KMT2A: variants seen among roughly 807,000 people sequenced by gnomAD.
KMT2A encodes the protein lysine methyltransferase 2A.
KMT2A carries 16 observed loss-of-function variants against 345.3 expected under a neutral mutation model. That is an observed-to-expected ratio of 0.05 (90% CI 0.03 to 0.07). The LOEUF (loss-of-function observed/expected upper bound fraction) is 0.07. KMT2A is among the 10% of genes least tolerant of loss of function. KMT2A has a pLI of 1.00. For synonymous variants in KMT2A, 1,599 were observed against 1,778.6 expected (o/e 0.90, Z 2.54); for missense variants, 3,272 against 4,841.6 (o/e 0.68, Z 9.62).
chr11:118,466,086 G>A lies in KMT2A; in HGVS notation c.433-2689G>A, dbSNP rs186392877. Among the ~76,000 whole-genome samples the A allele has an allele frequency of 1.7e-3, 254 of 152,058 alleles. 5 individuals carry two copies. The highest frequency in any genetic ancestry group is 1.2e-3 in the East Asian group (6 of 5,184). ...TAAAATTACTTTTAGATTTTTTTTA[G>A]ATTGGGAGGCCAGTATGGGAGGATC... On this transcript the variant is annotated intron_variant, in intron 1 of 35. Transcript: ENST00000534358.
At chr11:118,481,596 C>T in intron 6 of KMT2A, 119 bp from the exon 7 acceptor site, 2 of 1,088,122 alleles carry the variant, frequency 1.8e-6, no homozygotes, top group Non-Finnish European at 2.6e-6. Flanking sequence ...TACTGATTTC[C>T]TTTATTTTGG....
Position 118,482,054 on chromosome 11 carries a change from G to A in KMT2A, c.3974G>A (p.Ser1325Asn), listed in dbSNP as rs149404438. ...PRKEVPKTTP[S>N]EPKKKQPPPP... ...AAAGAAGTTCCCAAAACCACTCCTA[G>A]TGAGCCCAAGAAAAAGCAGCCTCCA... The change falls in exon 7 of 36, where the codon AGT becomes AAT. Residue 1325 changes from serine (S) to asparagine (N), a missense_variant. Ser to Asn is a conservative substitution (Grantham distance 46). Coordinates refer to ENST00000534358, the MANE Select transcript of KMT2A (RefSeq NM_001197104.2). 1.3e-3 allele frequency: 2,140 copies of A among 1,612,354 alleles called. No homozygotes were observed. Among genetic ancestry groups the A allele is most frequent in the Non-Finnish European group, 1.7e-3 (1,972 of 1,179,422 alleles).
chr11:118,521,170 TTCTCAAGTATATGTC>T lies in KMT2A; in HGVS notation c.11514-117_11514-103del. 8.5e-7 allele frequency: 1 copy of T among 1,171,594 alleles called. No homozygotes were observed. The highest frequency in any genetic ancestry group is 1.2e-6 in the Non-Finnish European group (1 of 825,562). 72.6% of individuals were successfully genotyped at this position (1,171,594 alleles called of 1,614,324 possible). A position where few individuals can be genotyped will look rare whatever the true frequency, so the allele number is the denominator to read the frequency against. ...AATCAAGTGGGTCCAAATTTTTATT[TTCTCAAGTATATGTC>T]CCTCCTGGGGAACTAACAGACCAGG... is the stretch of plus-strand genomic sequence containing the variant. On this transcript the variant is annotated intron_variant, in intron 34 of 35. Coordinates refer to ENST00000534358, the MANE Select transcript of KMT2A (RefSeq NM_001197104.2). This position sits in a 1 kb window ranked among gnomAD's most constrained non-coding sequence, Gnocchi z 5.3.
At chr11:118,513,977 TTGCTCATAA>T (rs1950749936) in intron 31 of KMT2A, among the ~76,000 whole-genome samples, 1 of 150,968 alleles carries the variant, frequency 6.6e-6, no homozygotes, top group African/African-American at 2.4e-5. Flanking sequence ...AAAAAAAGTC[TTGCTCATAA>T]TTTTTAAAAT....
chr11:118,436,623 C>A lies in KMT2A; in HGVS notation c.111C>A (p.Ala37=). 1 of 1,159,012 alleles carries A rather than the reference C, an allele frequency of 8.6e-7. No homozygotes were observed. Among genetic ancestry groups the A allele is most frequent in the Non-Finnish European group, 1.1e-6 (1 of 938,406 alleles). The allele number at this position is 1,159,012 out of a possible 1,614,324, so 71.8% of individuals were successfully genotyped here. A position where few individuals can be genotyped will look rare whatever the true frequency, so the allele number is the denominator to read the frequency against. ...LGGAPRQRVP[A]LLLPPGPPVG... is the part of the protein sequence containing the mutation. ...GCGCCCCGCGGCAACGCGTCCCGGC[C>A]CTGCTGCTTCCCCCCGGGCCCCCGG... The change falls in exon 1 of 36, where the codon GCC becomes GCA. Residue 37 remains alanine (A), a synonymous_variant. Transcript: ENST00000534358. This position sits in a 1 kb window ranked among gnomAD's most constrained non-coding sequence, Gnocchi z 6.9.
intron 28 of KMT2A, among the ~76,000 whole-genome samples, chr11:118,508,416 G>A (rs1555049210): frequency 6.6e-6 from 1 of 152,096 alleles, no homozygotes; most frequent in African/African-American, 2.4e-5. Context: ...CATTTGGATT[G>A]TTTCCAGAAT....
chr11:118,446,196 A>G (rs987956387), intron 1 of KMT2A, among the ~76,000 whole-genome samples: 57 of 151,962 alleles, frequency 3.8e-4, no homozygotes, highest in African/African-American at 1.3e-3. Context: ...TTAAAATACA[A>G]TAATTAGCTA....
At chr11:118,511,880 C>G (rs1391259406) in intron 30 of KMT2A, 71 bp from the exon 31 acceptor site, 1 of 1,150,596 alleles carries the variant, frequency 8.7e-7, no homozygotes, top group Non-Finnish European at 1.3e-6. Flanking sequence ...AGTGCTTGTG[C>G]ACATCATTGG....
intron 4 of KMT2A, among the ~76,000 whole-genome samples, chr11:118,477,484 A>G (rs1404929887): frequency 3.3e-5 from 4 of 122,488 alleles, no homozygotes; most frequent in African/African-American, 1.3e-4. Context: ...TTTCATCAAG[A>G]TGCAAGTTAT....
rs1591316885 is a variant in KMT2A, at chr11:118,525,201, T to C, written c.*3029T>C. 4.3e-6 allele frequency: 1 copy of C among 231,594 alleles called. No individual in the cohort carries two copies. Among genetic ancestry groups the C allele is most frequent in the East Asian group, 6.1e-5 (1 of 16,368 alleles). The allele number at this position is 231,594 out of a possible 1,614,324, so 14.3% of individuals were successfully genotyped here. On this transcript the variant is annotated 3_prime_UTR_variant, in exon 36 of 36. Coordinates refer to ENST00000534358, the MANE Select transcript of KMT2A (RefSeq NM_001197104.2). The stretch of plus-strand genomic sequence containing the variant: ...GTGCAGATTGAGGAATTGTGATGGG[T>C]CATTCCCAAGAATCCCCCAAGGGGC...
chr11:118,488,819 C>T (rs1479328799), intron 11 of KMT2A, 59 bp downstream of exon 11: 7 of 1,516,914 alleles, frequency 4.6e-6, no homozygotes, highest in Non-Finnish European at 6.3e-6. Context: ...TTCTGTATCC[C>T]TGGACTCAAC....
intron 1 of KMT2A, among the ~76,000 whole-genome samples, chr11:118,451,793 CTCAT>C (rs1408005645): frequency 6.6e-6 from 1 of 151,882 alleles, no homozygotes; most frequent in Non-Finnish European, 1.5e-5. Flanking sequence ...TGCCCAGCCT[CTCAT>C]TCTTTTTAAT....
In KMT2A at chr11:118,436,709, C is replaced by T. The variant is rs781850395; in HGVS notation, c.197C>T (p.Ala66Val). 3 of 1,363,806 alleles carry T rather than the reference C, an allele frequency of 2.2e-6. No individual in the cohort carries two copies. Among genetic ancestry groups the T allele is most frequent in the Non-Finnish European group, 2.8e-6 (3 of 1,054,800 alleles). 84.5% of individuals were successfully genotyped at this position (1,363,806 alleles called of 1,614,324 possible). Reference sequence around the variant, plus strand: ...CCGGCTGTGGCGGCCGCGGCGGCGGCGGCGGGAAGCAGCGGGGCTGGGGTT... The same window carrying T: ...CCGGCTGTGGCGGCCGCGGCGGCGGTGGCGGGAAGCAGCGGGGCTGGGGTT... Reference protein sequence around the residue: ...SPPAVAAAAAAAGSSGAGVPG... With the variant: ...SPPAVAAAAAVAGSSGAGVPG... The change falls in exon 1 of 36, where the codon GCG (alanine) becomes GTG (valine). Residue 66 changes from alanine (A) to valine (V), a missense_variant. By Grantham distance (64) the Ala-to-Val change is moderately conservative. Transcript: ENST00000534358. The surrounding 1 kb of genome is among the most constrained non-coding windows in gnomAD (Gnocchi z 6.9).
rs1950069824 is a variant in KMT2A, at chr11:118,478,059, G to A, written c.3427G>A (p.Glu1143Lys). ...TGTCACTAGAAACAAGGCACCCCAG[G>A]AACCTCCAGTAAAGAAAGGACGTCG... ...KPVTRNKAPQ[E>K]PPVKKGRRSR... is the part of the protein sequence containing the mutation. Residue 1143 changes from glutamate (E) to lysine (K), a missense_variant, in exon 5 of 36, where the codon GAA (glutamate) becomes AAA (lysine). By Grantham distance (56) the Glu-to-Lys change is moderately conservative. Coordinates refer to ENST00000534358, the MANE Select transcript of KMT2A (RefSeq NM_001197104.2). The A allele has an allele frequency of 6.2e-7, 1 of 1,613,964 alleles. No individual in the cohort carries two copies. The highest frequency in any genetic ancestry group is 1.1e-5 in the South Asian group (1 of 91,064).
rs781959189 is a variant in KMT2A at position 118,473,043 on chromosome 11, G to A, written c.1884G>A (p.Glu628=). ...RWTSLKHSRS[E]PQYFSSAKYA... ...CTTCTTTAAAGCATTCTAGGTCAGA[G>A]CCACAATACTTTTCCTCAGCAAAGT... Residue 628 remains glutamate (E), a synonymous_variant, in exon 3 of 36, where the codon GAG becomes GAA. Coordinates refer to ENST00000534358, the MANE Select transcript of KMT2A (RefSeq NM_001197104.2). This position sits in a 1 kb window ranked among gnomAD's most constrained non-coding sequence, Gnocchi z 5.2. 16 of 1,614,048 alleles carry A rather than the reference G, an allele frequency of 9.9e-6. No homozygotes were observed. In the East Asian group the frequency reaches 3.3e-4, roughly 34 times the overall value.
chr11:118,478,498 C>T (rs1397762091), intron 5 of KMT2A, among the ~76,000 whole-genome samples: 1 of 152,154 alleles, frequency 6.6e-6, no homozygotes, highest in African/African-American at 2.4e-5. Flanking sequence ...CTATTGAGCG[C>T]TTGACATGTG....
In KMT2A at chr11:118,491,775, A is replaced by G; in HGVS notation, c.4851A>G (p.Pro1617=). 6.2e-7 allele frequency: 1 copy of G among 1,611,198 alleles called. No homozygotes were observed. The highest frequency in any genetic ancestry group is 8.5e-7 in the Non-Finnish European group (1 of 1,178,526). The part of the protein sequence containing the change: ...DEMYEILSNL[P]ESVAYTCVNC... ...TGTATGAGATTCTATCTAATCTGCC[A>G]GAAAGTGTGGCCTACACTTGTGTGA... Residue 1617 remains proline (P), a synonymous_variant, in exon 15 of 36, where the codon CCA becomes CCG. Transcript: ENST00000534358. This position sits in a 1 kb window ranked among gnomAD's most constrained non-coding sequence, Gnocchi z 4.2.
At chr11:118,440,137 A>G (rs1307019759) in intron 1 of KMT2A, among the ~76,000 whole-genome samples, 1 of 152,222 alleles carries the variant, frequency 6.6e-6, no homozygotes, top group East Asian at 1.9e-4. Flanking sequence ...CCTTCAGTGA[A>G]TAATGACTAT....
At chr11:118,489,436 A>G (rs1204858995) in intron 11 of KMT2A, among the ~76,000 whole-genome samples, 2 of 151,992 alleles carry the variant, frequency 1.3e-5, no homozygotes, top group Admixed American at 1.3e-4. Context: ...TCCAGTTAAG[A>G]TTTTGTATCT....
Sources: allele counts gnomAD v4.1 joint callset (sites outside exome capture counted in the v4.1 genomes callset), GRCh38; gene constraint gnomAD v4.1.1; non-coding constraint Gnocchi (gnomAD v3.1); transcripts MANE v1.5; gene names NCBI Gene and HGNC (gene_info 2026-07-23, HGNC 2026-07-21).